Variants in MAFF observed in about 807,000 individuals in gnomAD.
The protein encoded by MAFF is MAF bZIP transcription factor F.
In MAFF, 4 loss-of-function variants were observed where a neutral mutation model predicts 2.7. The ratio of observed to expected loss-of-function variants is 1.48; its 90% CI spans 0.73 to 3.39. The LOEUF is 3.39. Ranked by LOEUF, MAFF falls within the 30% of genes most tolerant of loss-of-function variation. MAFF has a pLI of 0.01. For synonymous variants in MAFF, 113 were observed against 119.4 expected, an observed-to-expected ratio of 0.95 and a Z score of 0.35; for missense variants, 190 against 246.6, an observed-to-expected ratio of 0.77 and a Z score of 1.54.
intron 1 of MAFF, among the ~76,000 whole-genome samples, chr22:38,204,448 G>T (rs2091037190): frequency 6.6e-6 from 1 of 152,156 alleles, no homozygotes; most frequent in African/African-American, 2.4e-5. Flanking sequence ...ATTCACTTCA[G>T]GGTCTCCAGG....
intron 1 of MAFF, among the ~76,000 whole-genome samples, chr22:38,207,182 GTA>G (rs1490288802): frequency 6.6e-6 from 1 of 151,352 alleles, no homozygotes; most frequent in African/African-American, 2.4e-5. Context: ...GTGCAGTCGC[GTA>G]ATCTCGGCTC....
chr22:38,214,674 C>T lies in MAFF; in HGVS notation c.291C>T (p.Asn97=). ...EREVDKLARE[N]AAMRLELDAL... ...AGGTGGACAAGCTGGCGCGCGAGAA[C>T]GCCGCCATGCGCCTGGAGCTCGACG... The change falls in exon 3 of 3, where the codon AAC becomes AAT. Residue 97 remains asparagine, a synonymous_variant. Coordinates refer to ENST00000338483, the MANE Select transcript of MAFF (RefSeq NM_012323.4). The surrounding 1 kb of genome is among the most constrained non-coding windows in gnomAD (Gnocchi z 6.3). 1.3e-6 allele frequency: 2 copies of T among 1,548,974 alleles called. No homozygotes were observed. Among genetic ancestry groups the T allele is most frequent in the Admixed American group, 1.9e-5 (1 of 51,306 alleles).
chr22:38,204,938 G>A (rs2091040688), intron 1 of MAFF, among the ~76,000 whole-genome samples: 1 of 152,090 alleles, frequency 6.6e-6, no homozygotes. Context: ...ATCAATGATG[G>A]GGATTGGAGA....
In MAFF at chr22:38,214,806, G is replaced by A. The variant is rs1282244036; in HGVS notation, c.423G>A (p.Lys141=). Residue 141 remains lysine, a synonymous_variant, in exon 3 of 3, where the codon AAG becomes AAA. Coordinates refer to ENST00000338483, the MANE Select transcript of MAFF (RefSeq NM_012323.4). The surrounding 1 kb of genome is among the most constrained non-coding windows in gnomAD (Gnocchi z 6.3). ...VAPASVITIV[K]STPGSGSGPA... is the part of the protein sequence containing the mutation. Reference sequence around the variant, plus strand: ...CGGCCAGCGTCATCACCATCGTCAAGTCCACCCCGGGCTCGGGGTCTGGCC... The same window carrying A: ...CGGCCAGCGTCATCACCATCGTCAAATCCACCCCGGGCTCGGGGTCTGGCC... 12 of 1,487,332 alleles carry A rather than the reference G, an allele frequency of 8.1e-6. No individual in the cohort carries two copies. The highest frequency in any genetic ancestry group is 1.1e-5 in the Non-Finnish European group (12 of 1,124,528). The allele number at this position is 1,487,332 out of a possible 1,614,324, so 92.1% of individuals were successfully genotyped here. A position where few individuals can be genotyped will look rare whatever the true frequency, so the allele number is the denominator to read the frequency against.
chr22:38,211,112 A>G (rs1305567170), intron 1 of MAFF, among the ~76,000 whole-genome samples: 1 of 152,102 alleles, frequency 6.6e-6, no homozygotes, highest in Non-Finnish European at 1.5e-5. Flanking sequence ...GCCAGTGCAA[A>G]GGCCCTGGAG....
intron 1 of MAFF, among the ~76,000 whole-genome samples, chr22:38,207,136 T>TTATTA (rs2091058107): frequency 6.6e-6 from 1 of 151,946 alleles, no homozygotes; most frequent in African/African-American, 2.4e-5. Context: ...TATTATTATT[T>TTATTA]TTGAGATGGA....
In MAFF at chr22:38,215,026, C is replaced by G. The variant is rs73425641; in HGVS notation, c.*148C>G. ...CATTCCCTTCGTGGGCCCTGTCTTCCTCTTGCAGCCCCCCAAACTGGGACC... is the reference window on the plus strand; with the variant it reads ...CATTCCCTTCGTGGGCCCTGTCTTCGTCTTGCAGCCCCCCAAACTGGGACC... On this transcript the variant is annotated 3_prime_UTR_variant, in exon 3 of 3. Transcript: ENST00000338483. 1 of 657,978 alleles carries G rather than the reference C, an allele frequency of 1.5e-6. No individual in the cohort carries two copies. Among genetic ancestry groups the G allele is most frequent in the African/African-American group, 1.9e-5 (1 of 52,548 alleles). The allele number at this position is 657,978 out of a possible 1,614,324, so 40.8% of individuals were successfully genotyped here.
At position 38,214,949 on chromosome 22, in the gene MAFF, C is replaced by T; in HGVS notation, c.*71C>T. 3.5e-6 allele frequency: 4 copies of T among 1,157,428 alleles called. No homozygotes were observed. The highest frequency in any genetic ancestry group is 5.0e-6 in the Non-Finnish European group (4 of 803,174). 71.7% of individuals were successfully genotyped at this position (1,157,428 alleles called of 1,614,324 possible). On this transcript the variant is annotated 3_prime_UTR_variant, in exon 3 of 3. Transcript: ENST00000338483. The surrounding 1 kb of genome is among the most constrained non-coding windows in gnomAD (Gnocchi z 6.3). Reference sequence around the variant, plus strand: ...CCCTCCCCAAAGTGCCTGAGCGCCGCCTCTGTGCCCAGGTCCCATTTCTCT... The same window carrying T: ...CCCTCCCCAAAGTGCCTGAGCGCCGTCTCTGTGCCCAGGTCCCATTTCTCT...
Position 38,214,712 on chromosome 22 carries a change from A to C in MAFF, c.329A>C (p.Lys110Thr). 1 of 1,532,954 alleles carries C rather than the reference A, an allele frequency of 6.5e-7. No individual in the cohort carries two copies. The highest frequency in any genetic ancestry group is 1.2e-5 in the South Asian group (1 of 83,040). 95.0% of individuals were successfully genotyped at this position (1,532,954 alleles called of 1,614,324 possible). ...MRLELDALRG[K>T]CEALQGFARS... ...CTGGAGCTCGACGCGCTGCGCGGCA[A>C]GTGCGAGGCGCTGCAGGGCTTCGCG... Residue 110 changes from lysine to threonine, a missense_variant, in exon 3 of 3, where the codon AAG becomes ACG. Lys to Thr is a moderately conservative substitution (Grantham distance 78, BLOSUM62 -1). Coordinates refer to ENST00000338483, the MANE Select transcript of MAFF (RefSeq NM_012323.4). The surrounding 1 kb of genome is among the most constrained non-coding windows in gnomAD (Gnocchi z 6.3).
intron 1 of MAFF, among the ~76,000 whole-genome samples, chr22:38,209,107 C>A (rs1321843997): frequency 6.6e-6 from 1 of 151,820 alleles, no homozygotes; most frequent in Non-Finnish European, 1.5e-5. Context: ...ACTCTGTCGC[C>A]CAGGCTGGAG....
intron 1 of MAFF, chr22:38,205,773 C>T (rs1344303816): frequency 6.6e-6 from 1 of 152,254 alleles, no homozygotes; most frequent in African/African-American, 2.4e-5. Context: ...AGGTGCTGAA[C>T]AGGGGATCGG....
intron 1 of MAFF, chr22:38,203,200 GAAGGGCCAGA>G (rs1433548697): frequency 6.6e-6 from 1 of 152,418 alleles, no homozygotes; most frequent in East Asian, 1.9e-4. Context: ...ATGAGAACAG[GAAGGGCCAGA>G]AAACCTTGAC....
rs529912506 is a variant in MAFF, at chr22:38,209,690, G to A, written c.-31-4133G>A. On this transcript the variant is annotated intron_variant, in intron 1 of 2. Coordinates refer to ENST00000338483, the MANE Select transcript of MAFF (RefSeq NM_012323.4). The stretch of plus-strand genomic sequence containing the variant: ...TAGCTGGGCGTGGTGGTAGGCGCCT[G>A]TAGTCCCAGCTATTCAGGAGGCTGA... 4.6e-5 allele frequency among the ~76,000 whole-genome samples: 7 copies of A among 151,964 alleles called. No individual in the cohort carries two copies. In the South Asian group the frequency reaches 1.5e-3, roughly 32 times the overall value.
chr22:38,206,150 G>A (rs1030913505), intron 1 of MAFF, among the ~76,000 whole-genome samples: 1 of 152,124 alleles, frequency 6.6e-6, no homozygotes, highest in Non-Finnish European at 1.5e-5. Context: ...TCTCAGGCCT[G>A]GTCTGGAGGC....
chr22:38,210,621 G>GGTGTGT (rs1392182991), intron 1 of MAFF, among the ~76,000 whole-genome samples: 1 of 33,244 alleles, frequency 3.0e-5, no homozygotes, highest in African/African-American at 1.0e-4. Flanking sequence ...AGGGACACAG[G>GGTGTGT]GAGTGTGTGT....
At chr22:38,205,791 A>G (rs2091046980) in intron 1 of MAFF, 1 of 152,234 alleles carries the variant, frequency 6.6e-6, no homozygotes, top group Non-Finnish European at 1.5e-5. Flanking sequence ...CGGATCAGCT[A>G]CTATTTCTCA....
Position 38,202,441 on chromosome 22 carries a change from G to A in MAFF, c.-32+229G>A, listed in dbSNP as rs2146006732. 1 of 152,004 alleles carries A rather than the reference G, an allele frequency of 6.6e-6. No homozygotes were observed. Among genetic ancestry groups the A allele is most frequent in the East Asian group, 2.0e-4 (1 of 5,124 alleles). The allele number at this position is 152,004 out of a possible 1,614,324, so 9.4% of individuals were successfully genotyped here. A position where few individuals can be genotyped will look rare whatever the true frequency, so the allele number is the denominator to read the frequency against. Reference sequence around the variant, plus strand: ...GGGGGTGGAGACGGGGCCCCTTCCCGGGGCGCGGGCGGGTAGGCGGCGGCG... The same window carrying A: ...GGGGGTGGAGACGGGGCCCCTTCCCAGGGCGCGGGCGGGTAGGCGGCGGCG... On this transcript the variant is annotated intron_variant, in intron 1 of 2. Transcript: ENST00000338483. The surrounding 1 kb of genome is among the most constrained non-coding windows in gnomAD (Gnocchi z 7.4).
At chr22:38,210,448 G>A (rs2091089639) in intron 1 of MAFF, among the ~76,000 whole-genome samples, 1 of 152,166 alleles carries the variant, frequency 6.6e-6, no homozygotes, top group South Asian at 2.1e-4. Flanking sequence ...CGAGGTGCCA[G>A]GCGCGGTTCT....
rs537001159 is a variant in MAFF, at chr22:38,214,805, A to G, written c.422A>G (p.Lys141Arg). Reference protein sequence around the residue: ...VAPASVITIVKSTPGSGSGPA... With the variant: ...VAPASVITIVRSTPGSGSGPA... ...CCGGCCAGCGTCATCACCATCGTCA[A>G]GTCCACCCCGGGCTCGGGGTCTGGC... Residue 141 changes from lysine to arginine, a missense_variant, in exon 3 of 3, where the codon AAG (lysine) becomes AGG (arginine). Lys to Arg is a conservative substitution (Grantham distance 26, BLOSUM62 2). Transcript: ENST00000338483. This position sits in a 1 kb window ranked among gnomAD's most constrained non-coding sequence, Gnocchi z 6.3. 3.2e-5 allele frequency: 47 copies of G among 1,485,588 alleles called. No individual in the cohort carries two copies. The African/African-American group carries it at 3.7e-4, about 12-fold the overall frequency. 92.0% of individuals were successfully genotyped at this position (1,485,588 alleles called of 1,614,324 possible).
Sources: allele counts gnomAD v4.1 joint callset (sites outside exome capture counted in the v4.1 genomes callset), GRCh38; gene constraint gnomAD v4.1.1; non-coding constraint Gnocchi (gnomAD v3.1); transcripts MANE v1.5; gene names NCBI Gene and HGNC (gene_info 2026-07-23, HGNC 2026-07-21).